The following DLG1 variants were observed in gnomAD, a reference collection of about 807,000 sequenced individuals.
The protein encoded by DLG1 is disks large homolog 1.
Under a neutral mutation model 123.4 loss-of-function variants are expected in DLG1, and 42 were observed. That is an observed-to-expected ratio of 0.34 (90% CI 0.27 to 0.44). The LOEUF (loss-of-function observed/expected upper bound fraction) is 0.44. Ranked by LOEUF, DLG1 falls within the 20% of genes least tolerant of loss-of-function variation. The pLI, the probability that DLG1 is intolerant of heterozygous loss-of-function variation, is 1.00. For synonymous variants in DLG1, 317 were observed against 356.2 expected (o/e 0.89, Z 1.24); for missense variants, 942 against 1,082.6 (o/e 0.87, Z 1.82).
intron 24 of DLG1, among the ~76,000 whole-genome samples, chr3:197,048,955 C>T (rs938632062): frequency 6.6e-6 from 1 of 152,186 alleles, no homozygotes; most frequent in Non-Finnish European, 1.5e-5. Flanking sequence ...CTGTGCCCAG[C>T]CACCTCAAAA....
At chr3:197,128,836 T>TG (rs1781080325) in intron 11 of DLG1, among the ~76,000 whole-genome samples, 1 of 151,490 alleles carries the variant, frequency 6.6e-6, no homozygotes, top group Non-Finnish European at 1.5e-5. Context: ...TTGAAAGGAG[T>TG]GTTTTTTTTT....
chr3:197,064,164 CCCACCTCA>C (rs1737826051), intron 22 of DLG1, among the ~76,000 whole-genome samples: 1 of 151,412 alleles, frequency 6.6e-6, no homozygotes, highest in Non-Finnish European at 1.5e-5. Flanking sequence ...AGGTGATCTA[CCCACCTCA>C]GCCTTCCACT....
chr3:197,106,997 ACT>A (rs1251627160), intron 13 of DLG1, among the ~76,000 whole-genome samples: 1 of 151,718 alleles, frequency 6.6e-6, no homozygotes, highest in Non-Finnish European at 1.5e-5. Context: ...CCAAAAAGAA[ACT>A]CTGTATCCAC....
intron 4 of DLG1, among the ~76,000 whole-genome samples, chr3:197,207,219 C>T (rs1007003499): frequency 2.0e-5 from 3 of 152,126 alleles, no homozygotes; most frequent in African/African-American, 7.2e-5. Flanking sequence ...CGCAAAGTTA[C>T]ACAAACTTTA....
intron 7 of DLG1, among the ~76,000 whole-genome samples, chr3:197,142,492 A>C (rs1349049822): frequency 6.6e-6 from 1 of 152,216 alleles, no homozygotes; most frequent in Non-Finnish European, 1.5e-5. Flanking sequence ...TATCTTTACA[A>C]CTTCTTTGTA....
chr3:197,186,961 C>T (rs564588591), intron 5 of DLG1, among the ~76,000 whole-genome samples: 167 of 152,256 alleles, frequency 1.1e-3, no homozygotes, highest in African/African-American at 3.1e-3. Flanking sequence ...CCACCAAAAA[C>T]CCAAAGTAAC....
intron 4 of DLG1, among the ~76,000 whole-genome samples, chr3:197,252,768 G>C (rs1214693900): frequency 6.6e-6 from 1 of 152,198 alleles, no homozygotes; most frequent in Non-Finnish European, 1.5e-5. Flanking sequence ...GATTAGAACA[G>C]AGTCTATAGA....
At chr3:197,053,274 C>A (rs1164818426) in intron 23 of DLG1, among the ~76,000 whole-genome samples, 1 of 152,232 alleles carries the variant, frequency 6.6e-6, no homozygotes, top group Non-Finnish European at 1.5e-5. Flanking sequence ...TCCCACCCTA[C>A]AAAATTCTCT....
chr3:197,153,413 C>A (rs980500627), intron 5 of DLG1, among the ~76,000 whole-genome samples: 3 of 152,196 alleles, frequency 2.0e-5, no homozygotes, highest in Non-Finnish European at 2.9e-5. Context: ...AGGCTTAGCA[C>A]AGCAGCAGCT....
intron 4 of DLG1, among the ~76,000 whole-genome samples, chr3:197,207,424 AT>A (rs1729141746): frequency 6.6e-6 from 1 of 152,140 alleles, no homozygotes; most frequent in Admixed American, 6.5e-5. Context: ...CAAAGATATC[AT>A]CTCCTTCCTA....
intron 4 of DLG1, among the ~76,000 whole-genome samples, chr3:197,279,458 T>TA (rs1040825557): frequency 1.3e-5 from 2 of 152,196 alleles, no homozygotes; most frequent in Non-Finnish European, 2.9e-5. Flanking sequence ...ATGTTCCCCT[T>TA]AGAGTCTATT....
chr3:197,060,796 C>T (rs1735241542), intron 22 of DLG1, among the ~76,000 whole-genome samples: 1 of 152,164 alleles, frequency 6.6e-6, no homozygotes. Flanking sequence ...CATTTGAAAT[C>T]AGGCCCTCCC....
rs1016253618 is a variant in DLG1 at position 197,209,378 on chromosome 3, TA to T, written c.319-14790del. 1.1e-4 allele frequency among the ~76,000 whole-genome samples: 16 copies of T among 146,538 alleles called. 1 individual carries two copies. Among genetic ancestry groups the T allele is most frequent in the African/African-American group, 3.9e-4 (16 of 41,182 alleles). On this transcript the variant is annotated intron_variant, in intron 4 of 24. Transcript: ENST00000667157. Reference sequence around the variant, plus strand: ...ATGTGTGTACTTAATAACAGGGCCTTAAAATACATAAGCAAAACCAACAGAA... The same window carrying T: ...ATGTGTGTACTTAATAACAGGGCCTTAAATACATAAGCAAAACCAACAGAA...
intron 23 of DLG1, among the ~76,000 whole-genome samples, chr3:197,052,382 G>A (rs1728472188): frequency 6.6e-6 from 1 of 152,122 alleles, no homozygotes; most frequent in African/African-American, 2.4e-5. Context: ...TTGAACCCAG[G>A]AGGCAGAGGT....
intron 4 of DLG1, among the ~76,000 whole-genome samples, chr3:197,208,298 G>C (rs147368332): frequency 6.8e-6 from 1 of 146,540 alleles, no homozygotes; most frequent in African/African-American, 2.4e-5. Context: ...ACTTTCATAC[G>C]AATCTGTGGA....
At chr3:197,165,040 T>C (rs566465290) in intron 5 of DLG1, among the ~76,000 whole-genome samples, 1 of 152,108 alleles carries the variant, frequency 6.6e-6, no homozygotes, top group South Asian at 2.1e-4. Flanking sequence ...AAACATTAAG[T>C]AAAAAAGGGA....
At chr3:197,187,940 A>G (rs1049971094) in intron 5 of DLG1, among the ~76,000 whole-genome samples, 1 of 152,178 alleles carries the variant, frequency 6.6e-6, no homozygotes, top group African/African-American at 2.4e-5. Flanking sequence ...AAATTATAAA[A>G]TCATAATTAT....
At chr3:197,148,365 T>G (rs917920651) in intron 6 of DLG1, among the ~76,000 whole-genome samples, 1 of 144,298 alleles carries the variant, frequency 6.9e-6, no homozygotes, top group African/African-American at 2.6e-5. Flanking sequence ...GAGCTGAGAT[T>G]GTGCCAATGC....
chr3:197,044,861 T>C, intron 24 of DLG1, 132 bp from the exon 25 acceptor site: 5 of 440,898 alleles, frequency 1.1e-5, no homozygotes, highest in Non-Finnish European at 1.9e-5. Context: ...ATTTACACAC[T>C]GTTCACTTAG....
Sources: gnomAD v4.1 joint callset for allele counts (sites outside exome capture counted in the v4.1 genomes callset) on GRCh38, gnomAD v4.1.1 for gene constraint, MANE v1.5 for transcripts, NCBI Gene and HGNC (gene_info 2026-07-23, HGNC 2026-07-21) for gene names.